KCNH8: variants seen among roughly 807,000 people sequenced by gnomAD.
The protein encoded by KCNH8 is potassium voltage-gated channel subfamily H member 8.
A neutral mutation model predicts 103.6 loss-of-function variants in KCNH8; 70 were observed. The ratio of observed to expected loss-of-function variants is 0.68; its 90% CI spans 0.56 to 0.82. KCNH8 has a LOEUF of 0.82. Ranked by LOEUF, KCNH8 falls within the 40% of genes least tolerant of loss-of-function variation. The probability of loss-of-function intolerance (pLI) is 0.00; values close to 1 mark genes in which losing one functional copy is unlikely to be tolerated. For synonymous variants in KCNH8, 498 were observed against 489.4 expected, an observed-to-expected ratio of 1.02 and a Z score of -0.23; for missense variants, 1,217 against 1,329.9, an observed-to-expected ratio of 0.92 and a Z score of 1.32.
intron 1 of KCNH8, among the ~76,000 whole-genome samples, chr3:19,178,359 G>GA (rs1375362954): frequency 2.6e-5 from 4 of 152,054 alleles, no homozygotes; most frequent in Non-Finnish European, 5.9e-5. Context: ...ACTCAGTGCT[G>GA]AAAACATAAG....
At chr3:19,284,369 G>T (rs1008152260) in intron 3 of KCNH8, among the ~76,000 whole-genome samples, 1 of 152,050 alleles carries the variant, frequency 6.6e-6, no homozygotes, top group Non-Finnish European at 1.5e-5. Context: ...AAATGAGGAA[G>T]AACCTGTTTT....
At chr3:19,530,116 T>G (rs2069134584) in intron 15 of KCNH8, among the ~76,000 whole-genome samples, 1 of 152,016 alleles carries the variant, frequency 6.6e-6, no homozygotes, top group Non-Finnish European at 1.5e-5. Flanking sequence ...ATGTATCTCA[T>G]GGAGGTAGAG....
chr3:19,205,370 A>G (rs1181662429), intron 1 of KCNH8, among the ~76,000 whole-genome samples: 2 of 152,066 alleles, frequency 1.3e-5, no homozygotes, highest in Non-Finnish European at 2.9e-5. Flanking sequence ...GAATTTAGAA[A>G]ATATCCTAGA....
intron 1 of KCNH8, among the ~76,000 whole-genome samples, chr3:19,221,562 T>A (rs2125231794): frequency 6.6e-6 from 1 of 152,272 alleles, no homozygotes. Context: ...TCCTAATTTA[T>A]TTGTTTTTTT....
rs2064906182 is a variant in KCNH8, at chr3:19,290,630, G to A, written c.442+9301G>A. On this transcript the variant is annotated intron_variant, in intron 3 of 15. Transcript: ENST00000328405. ...TCATGCTGGATAACGTTTTTGATGT[G>A]CTGCTGGATTCGGTTTGCCAGTATT... Among the ~76,000 whole-genome samples, 4 of 152,208 alleles carry A rather than the reference G, an allele frequency of 2.6e-5. No homozygotes were observed. In the South Asian group the frequency reaches 8.3e-4, roughly 31 times the overall value.
At chr3:19,277,764 A>T (rs1187655643) in intron 2 of KCNH8, among the ~76,000 whole-genome samples, 1 of 152,180 alleles carries the variant, frequency 6.6e-6, no homozygotes, top group Admixed American at 6.5e-5. Context: ...TATAAGGTAA[A>T]AACCTTGTTT....
intron 3 of KCNH8, among the ~76,000 whole-genome samples, chr3:19,297,150 G>A (rs894713818): frequency 6.6e-6 from 1 of 152,060 alleles, no homozygotes; most frequent in African/African-American, 2.4e-5. Context: ...CAAGAGCATG[G>A]AAAAAAATAC....
chr3:19,294,672 T>A (rs761240262), intron 3 of KCNH8, among the ~76,000 whole-genome samples: 10 of 152,236 alleles, frequency 6.6e-5, no homozygotes, highest in Non-Finnish European at 1.5e-4. Context: ...TATTCGCTAA[T>A]GTCTTTTTCT....
chr3:19,529,123 G>A (rs1486358655), intron 15 of KCNH8, among the ~76,000 whole-genome samples: 1 of 152,060 alleles, frequency 6.6e-6, no homozygotes, highest in Non-Finnish European at 1.5e-5. Context: ...GAAAATGCAG[G>A]ACATGGAGCC....
chr3:19,495,469 C>G (rs183367759), intron 11 of KCNH8, among the ~76,000 whole-genome samples: 3 of 152,264 alleles, frequency 2.0e-5, no homozygotes, highest in Admixed American at 2.0e-4. Context: ...GGAGTCCTTT[C>G]CCCATTGCTG....
At chr3:19,516,901 T>C (rs893182923) in intron 14 of KCNH8, among the ~76,000 whole-genome samples, 2 of 152,108 alleles carry the variant, frequency 1.3e-5, no homozygotes, top group Non-Finnish European at 2.9e-5. Context: ...TCTATTCCTA[T>C]GCTTAAAACC....
chr3:19,328,552 CT>C (rs1204301989), intron 3 of KCNH8, among the ~76,000 whole-genome samples: 15 of 152,038 alleles, frequency 9.9e-5, no homozygotes, highest in African/African-American at 3.6e-4. Flanking sequence ...TAAAAATTTG[CT>C]TTTAGGGCCA....
chr3:19,412,716 A>C (rs1417342932), intron 7 of KCNH8, among the ~76,000 whole-genome samples: 1 of 152,054 alleles, frequency 6.6e-6, no homozygotes, highest in Non-Finnish European at 1.5e-5. Flanking sequence ...AAAAATGAGC[A>C]AAAGACATGA....
chr3:19,335,286 T>C (rs1398091367), intron 3 of KCNH8, among the ~76,000 whole-genome samples: 1 of 151,818 alleles, frequency 6.6e-6, no homozygotes, highest in African/African-American at 2.4e-5. Context: ...TGAATTATAT[T>C]GATTCCCTAA....
At chr3:19,232,815 A>G (rs563499698) in intron 1 of KCNH8, among the ~76,000 whole-genome samples, 100 of 152,302 alleles carry the variant, frequency 6.6e-4, no homozygotes, top group Non-Finnish European at 1.4e-3. Context: ...GGCATGGGTC[A>G]CGTGTAGCTA....
intron 5 of KCNH8, among the ~76,000 whole-genome samples, chr3:19,352,845 C>A (rs2065822891): frequency 6.6e-6 from 1 of 152,040 alleles, no homozygotes; most frequent in African/African-American, 2.4e-5. Flanking sequence ...AGAGCAAACA[C>A]ATTCAAAAGC....
chr3:19,237,160 G>T (rs1283071020), intron 1 of KCNH8, among the ~76,000 whole-genome samples: 2 of 152,200 alleles, frequency 1.3e-5, no homozygotes, highest in African/African-American at 2.4e-5. Context: ...CTTGATAGGA[G>T]GTCACAGGTA....
chr3:19,334,978 T>C (rs1288797965), intron 3 of KCNH8, among the ~76,000 whole-genome samples: 1 of 151,962 alleles, frequency 6.6e-6, no homozygotes, highest in Non-Finnish European at 1.5e-5. Context: ...TAATCAGGCA[T>C]TCTTTCTTTT....
At chr3:19,514,461 A>T (rs1477130573) in intron 13 of KCNH8, among the ~76,000 whole-genome samples, 2 of 151,976 alleles carry the variant, frequency 1.3e-5, no homozygotes, top group Admixed American at 6.6e-5. Flanking sequence ...AAAGGTTTAT[A>T]TACAACATAA....
Sources: allele counts gnomAD v4.1 joint callset (sites outside exome capture counted in the v4.1 genomes callset), GRCh38; gene constraint gnomAD v4.1.1; transcripts MANE v1.5; gene names NCBI Gene and HGNC (gene_info 2026-07-23, HGNC 2026-07-21).